Variants in METTL21A observed in about 807,000 individuals in gnomAD.
The protein encoded by METTL21A is methyltransferase 21A, HSPA lysine.
Under a neutral mutation model 20.9 loss-of-function variants are expected in METTL21A, and 22 were observed. The observed-to-expected ratio is 1.05, with a 90% CI of 0.75 to 1.50. The LOEUF is 1.50. METTL21A is among the 40% of genes most tolerant of loss of function. The probability of loss-of-function intolerance (pLI) is 0.00; values close to 1 mark genes in which losing one functional copy is unlikely to be tolerated. For missense variants in METTL21A, 271 were observed against 266.8 expected (o/e 1.02, Z -0.11); for synonymous variants, 93 against 102.0 (o/e 0.91, Z 0.53).
chr2:207,604,089 A>G (rs770506006), intron 3 of METTL21A, among the ~76,000 whole-genome samples: 15 of 152,214 alleles, frequency 9.9e-5, no homozygotes, highest in Non-Finnish European at 1.6e-4. Context: ...ATGAGGGACA[A>G]TAGGCATGAA....
chr2:207,598,832 C>T (rs1193648189), intron 3 of METTL21A: 1 of 142,216 alleles, frequency 7.0e-6, no homozygotes, highest in Non-Finnish European at 1.4e-5. Context: ...TGGGCGACTC[C>T]ATCTCAAAAA....
chr2:207,617,571 C>T lies in METTL21A; in HGVS notation c.260-4128G>A, dbSNP rs548741975. On this transcript the variant is annotated intron_variant, in intron 3 of 3. Coordinates refer to ENST00000406927, the Ensembl canonical transcript of METTL21A. ...TGAGGCTGAAGAGTCAGGCAGGATG[C>T]GATAACAAAGCCTTACTAAGACGCC... 1.1e-4 allele frequency among the ~76,000 whole-genome samples: 16 copies of T among 152,288 alleles called. No individual in the cohort carries two copies. In the South Asian group the frequency reaches 2.9e-3, roughly 28 times the overall value.
At chr2:207,597,214 TGCA>T in intron 3 of METTL21A, 2 of 767,270 alleles carry the variant, frequency 2.6e-6, no homozygotes, top group South Asian at 2.3e-5. Flanking sequence ...TTTGTGCTTT[TGCA>T]TTAAACTGTG....
chr2:207,598,055 A>G (rs905874599), intron 3 of METTL21A: 3 of 181,260 alleles, frequency 1.7e-5, no homozygotes, highest in African/African-American at 7.1e-5. Context: ...CAAGATGTCA[A>G]ATAAAGCAAA....
At chr2:207,588,520 T>C (rs1339876911) in intron 3 of METTL21A, among the ~76,000 whole-genome samples, 1 of 152,220 alleles carries the variant, frequency 6.6e-6, no homozygotes, top group Non-Finnish European at 1.5e-5. Flanking sequence ...TGCACTTTAA[T>C]GTATATTTTA....
At chr2:207,603,786 C>A (rs1336330518) in intron 3 of METTL21A, among the ~76,000 whole-genome samples, 1 of 152,042 alleles carries the variant, frequency 6.6e-6, no homozygotes, top group Non-Finnish European at 1.5e-5. Context: ...TTCTAAAACT[C>A]TGTGATCATA....
At chr2:207,586,537 C>A (rs1481752570) in intron 3 of METTL21A, among the ~76,000 whole-genome samples, 1 of 152,008 alleles carries the variant, frequency 6.6e-6, no homozygotes, top group Non-Finnish European at 1.5e-5. Context: ...TCCAAAAGCA[C>A]AAGCAACAAA....
chr2:207,581,645 A>G (rs558591229), downstream of METTL21A: 1,197 of 422,888 alleles, frequency 2.8e-3, 4 homozygotes, highest in Non-Finnish European at 4.2e-3. Context: ...AAGGAGTTTT[A>G]AAAATACAGA....
chr2:207,622,315 GCAC>G (rs987003190), intron 2 of METTL21A, among the ~76,000 whole-genome samples: 1 of 151,986 alleles, frequency 6.6e-6, no homozygotes, highest in Non-Finnish European at 1.5e-5. Flanking sequence ...ACACAGGCGT[GCAC>G]CACCACACCC....
downstream of METTL21A, among the ~76,000 whole-genome samples, chr2:207,608,316 T>C (rs977741059): frequency 1.3e-5 from 2 of 152,112 alleles, no homozygotes; most frequent in Non-Finnish European, 2.9e-5. Context: ...ATCTCAATCT[T>C]TGAGTCTATT....
intron 3 of METTL21A, chr2:207,602,542 G>C (rs2087258905): frequency 4.7e-6 from 1 of 210,724 alleles, no homozygotes; most frequent in African/African-American, 2.3e-5. Flanking sequence ...GCATCTCAGA[G>C]AAGTGAGAGT....
chr2:207,599,346 G>A (rs1221165837), intron 3 of METTL21A: 1 of 206,098 alleles, frequency 4.9e-6, no homozygotes, highest in Admixed American at 6.0e-5. Context: ...ATGTCGAATC[G>A]AACATTTTGA....
At chr2:207,596,409 G>C (rs2086165876) in intron 3 of METTL21A, among the ~76,000 whole-genome samples, 1 of 152,126 alleles carries the variant, frequency 6.6e-6, no homozygotes, top group Admixed American at 6.5e-5. Context: ...TGGTCATTTA[G>C]GTCTTGTTTG....
intron 3 of METTL21A, among the ~76,000 whole-genome samples, chr2:207,619,605 T>C (rs1357006467): frequency 1.3e-5 from 2 of 152,136 alleles, no homozygotes; most frequent in Non-Finnish European, 2.9e-5. Context: ...AAAACACACA[T>C]ACGCAGACAT....
intron 3 of METTL21A, among the ~76,000 whole-genome samples, chr2:207,590,248 C>T (rs1379191163): frequency 6.6e-6 from 1 of 151,706 alleles, no homozygotes; most frequent in Non-Finnish European, 1.5e-5. Flanking sequence ...TATTCTTTTA[C>T]TGTATGGGAT....
chr2:207,586,072 A>C (rs1436465667), intron 3 of METTL21A, among the ~76,000 whole-genome samples: 1 of 152,212 alleles, frequency 6.6e-6, no homozygotes, highest in African/African-American at 2.4e-5. Context: ...CACTATTTTC[A>C]AACTCAAAAG....
exon 4 of METTL21A, chr2:207,612,862 C>A: frequency 1.8e-6 from 1 of 552,166 alleles, no homozygotes; most frequent in South Asian, 3.3e-5. Context: ...TAAAGTCTGA[C>A]TAAAAATCAC....
downstream of METTL21A, among the ~76,000 whole-genome samples, chr2:207,606,213 G>C (rs752941328): frequency 2.0e-5 from 3 of 152,172 alleles, no homozygotes; most frequent in Non-Finnish European, 2.9e-5. Flanking sequence ...GGTGGCTCAC[G>C]CCTGTAATCC....
At chr2:207,607,688 C>CCTTTTTTTTTTTTTTTTTTTTTT (rs1347132785), downstream of METTL21A, among the ~76,000 whole-genome samples, 1 of 143,972 alleles carries the variant, frequency 6.9e-6, no homozygotes, top group South Asian at 2.3e-4. Context: ...ATCATACATA[C>CCTTTTTTTTTTTTTTTTTTTTTT]ATTTTAACAT....
Sources: allele counts gnomAD v4.1 joint callset (sites outside exome capture counted in the v4.1 genomes callset), GRCh38; gene constraint gnomAD v4.1.1; transcripts MANE v1.5; gene names NCBI Gene and HGNC (gene_info 2026-07-23, HGNC 2026-07-21).